Variants in ZNF43 observed in about 807,000 individuals in gnomAD.
The protein encoded by ZNF43 is zinc finger protein 43.
ZNF43 carries 44 observed loss-of-function variants against 68.4 expected under a neutral mutation model. The observed-to-expected ratio is 0.64, with a 90% CI of 0.51 to 0.83. The LOEUF is 0.83. Ranked by LOEUF, ZNF43 falls within the 40% of genes least tolerant of loss-of-function variation. The pLI is 0.00. For synonymous variants in ZNF43, 308 were observed against 307.8 expected (o/e 1.00, Z -0.01); for missense variants, 896 against 933.2 (o/e 0.96, Z 0.52).
intron 1 of ZNF43, among the ~76,000 whole-genome samples, chr19:21,821,703 A>T (rs769177272): frequency 1.4e-4 from 21 of 152,232 alleles, no homozygotes; most frequent in Admixed American, 6.5e-5. Flanking sequence ...ATTAGAAGCC[A>T]TGATGTAGAG....
At chr19:21,825,263 A>C (rs2038058781) in intron 1 of ZNF43, among the ~76,000 whole-genome samples, 3 of 152,110 alleles carry the variant, frequency 2.0e-5, no homozygotes, top group Admixed American at 2.0e-4. Flanking sequence ...AACCAAAAAA[A>C]AAAGTTGTCA....
At position 21,812,128 on chromosome 19, in the gene ZNF43, T is replaced by G. The variant is rs1347599959; in HGVS notation, c.230-2321A>C. 4 of 388,806 alleles carry G rather than the reference T, an allele frequency of 1.0e-5. No homozygotes were observed. The Admixed American group carries it at 1.3e-4, about 13-fold the overall frequency. 24.1% of individuals were successfully genotyped at this position (388,806 alleles called of 1,614,324 possible). A position where few individuals can be genotyped will look rare whatever the true frequency, so the allele number is the denominator to read the frequency against. ...AATATTCATAATATACAAACAACTT[T>G]TTTTTTCTTTTTTTTTGAGACGGAG... On this transcript the variant is annotated intron_variant, in intron 3 of 3. Transcript: ENST00000354959.
In ZNF43 at chr19:21,807,597, C is replaced by T. The variant is rs770541572; in HGVS notation, c.*10G>A. The T allele has an allele frequency of 2.0e-6, 3 of 1,521,496 alleles. No homozygotes were observed. The highest frequency in any genetic ancestry group is 2.6e-6 in the Non-Finnish European group (3 of 1,137,790). 94.2% of individuals were successfully genotyped at this position (1,521,496 alleles called of 1,614,324 possible). ...TTCTTTACATTTCTAGAATTTCTCA[C>T]CAGTATAATTTATTTTATGTTTGAA... On this transcript the variant is annotated 3_prime_UTR_variant, in exon 4 of 4. Coordinates refer to ENST00000354959, the MANE Select transcript of ZNF43 (RefSeq NM_003423.4).
At chr19:21,833,540 G>C (rs1160142109) in intron 1 of ZNF43, among the ~76,000 whole-genome samples, 1 of 151,716 alleles carries the variant, frequency 6.6e-6, no homozygotes, top group Admixed American at 6.6e-5. Context: ...AAAGTGTTGG[G>C]ATTATAGGCA....
rs1381945996 is a variant in ZNF43 at position 21,805,607 on chromosome 19, AC to A, written c.*1999del. 6.6e-6 allele frequency: 1 copy of A among 151,608 alleles called. No homozygotes were observed. Among genetic ancestry groups the A allele is most frequent in the African/African-American group, 2.4e-5 (1 of 41,220 alleles). 9.4% of individuals were successfully genotyped at this position (151,608 alleles called of 1,614,324 possible). ...GCACTCCAGCCTGGGCGAGAGCAAG[AC>A]TCTGTCTCAAAAAAAAAAACCAAAC... On this transcript the variant is annotated 3_prime_UTR_variant, in exon 4 of 4. Coordinates refer to ENST00000354959, the MANE Select transcript of ZNF43 (RefSeq NM_003423.4).
chr19:21,838,308 CCT>C (rs905343887), upstream of ZNF43, among the ~76,000 whole-genome samples: 2 of 152,054 alleles, frequency 1.3e-5, no homozygotes, highest in Non-Finnish European at 2.9e-5. Context: ...GCAGTGGAAA[CCT>C]CTTTCATTAT....
intron 1 of ZNF43, chr19:21,851,217 A>C (rs1234055089): frequency 6.6e-6 from 1 of 152,076 alleles, no homozygotes; most frequent in Non-Finnish European, 1.5e-5. Flanking sequence ...ACAGCCTCCG[A>C]GTGTGAGATT....
rs1308445538 is a variant in ZNF43 at position 21,842,711 on chromosome 19, T to C, written c.30+9194A>G. On this transcript the variant is annotated intron_variant, in intron 1 of 3. Transcript: ENST00000357491. ...GGCATGGAACAAAATTCAGATTATG[T>C]AGATCCTGAGAAAAGTGGTATGTCA... 2.6e-5 allele frequency among the ~76,000 whole-genome samples: 4 copies of C among 152,272 alleles called. No individual in the cohort carries two copies. The South Asian group carries it at 6.2e-4, about 24-fold the overall frequency.
chr19:21,834,485 T>A (rs557322929), intron 1 of ZNF43, among the ~76,000 whole-genome samples: 2 of 152,066 alleles, frequency 1.3e-5, no homozygotes, highest in Admixed American at 6.6e-5. Flanking sequence ...TAGGCCGGAC[T>A]CGGTGGCTCA....
intron 1 of ZNF43, chr19:21,843,314 G>A: frequency 1.0e-6 from 1 of 962,380 alleles, no homozygotes; most frequent in Non-Finnish European, 1.2e-6. Flanking sequence ...AGAGGTATGT[G>A]TCACAATCAC....
intron 1 of ZNF43, among the ~76,000 whole-genome samples, chr19:21,826,206 T>C (rs918609757): frequency 6.6e-6 from 1 of 152,180 alleles, no homozygotes; most frequent in African/African-American, 2.4e-5. Flanking sequence ...GGGGACATCA[T>C]ACACTTTGCA....
intron 1 of ZNF43, among the ~76,000 whole-genome samples, chr19:21,835,733 T>C (rs750570944): frequency 1.3e-5 from 2 of 152,170 alleles, no homozygotes; most frequent in Non-Finnish European, 2.9e-5. Context: ...TGAAACTGCA[T>C]CACGAGTCAG....
At chr19:21,827,757 G>A (rs1321790189) in intron 1 of ZNF43, among the ~76,000 whole-genome samples, 1 of 150,690 alleles carries the variant, frequency 6.6e-6, no homozygotes, top group African/African-American at 2.5e-5. Flanking sequence ...CGCCTCCCAG[G>A]TTCAAGCAAT....
chr19:21,836,218 T>C, upstream of ZNF43: 2 of 1,451,678 alleles, frequency 1.4e-6, no homozygotes, highest in African/African-American at 1.4e-5. Context: ...CGCCCTGTCC[T>C]CTCCTGCCCC....
intron 1 of ZNF43, among the ~76,000 whole-genome samples, chr19:21,833,529 CAA>C (rs1379671115): frequency 6.6e-6 from 1 of 151,652 alleles, no homozygotes; most frequent in African/African-American, 2.4e-5. Flanking sequence ...CTCGGCCTCC[CAA>C]AGTGTTGGGA....
chr19:21,831,924 A>C (rs2038443378), intron 1 of ZNF43, among the ~76,000 whole-genome samples: 1 of 152,224 alleles, frequency 6.6e-6, no homozygotes, highest in Non-Finnish European at 1.5e-5. Flanking sequence ...TATGCTCATG[A>C]ATAGAAAAGG....
rs1225299329 is a variant in ZNF43, at chr19:21,805,786, A to G, written c.*1821T>C. 1 of 152,216 alleles carries G rather than the reference A, an allele frequency of 6.6e-6. No homozygotes were observed. Among genetic ancestry groups the G allele is most frequent in the Non-Finnish European group, 1.5e-5 (1 of 68,032 alleles). The allele number at this position is 152,216 out of a possible 1,614,324, so 9.4% of individuals were successfully genotyped here. ...ATTCTTTAACTTATTTGCAGTTGAA[A>G]GCCACTGGTGAAATAGATTAATAGA... On this transcript the variant is annotated 3_prime_UTR_variant, in exon 4 of 4. Coordinates refer to ENST00000354959, the MANE Select transcript of ZNF43 (RefSeq NM_003423.4).
exon 1 of ZNF43, chr19:21,852,001 G>A (rs1223010881): frequency 1.3e-5 from 19 of 1,501,412 alleles, no homozygotes; most frequent in Non-Finnish European, 1.7e-5. Context: ...AGTCACCGGG[G>A]ATTCCCGAGT....
At chr19:21,820,128 G>A (rs1180564376) in intron 1 of ZNF43, among the ~76,000 whole-genome samples, 1 of 129,272 alleles carries the variant, frequency 7.7e-6, no homozygotes, top group Admixed American at 7.5e-5. Context: ...GAACCCGAGA[G>A]GTGGAGGTTG....
Sources: allele counts gnomAD v4.1 joint callset (sites outside exome capture counted in the v4.1 genomes callset), GRCh38; gene constraint gnomAD v4.1.1; transcripts MANE v1.5; gene names NCBI Gene and HGNC (gene_info 2026-07-23, HGNC 2026-07-21).